The following PPM1D variants were observed in gnomAD, a reference collection of about 807,000 sequenced individuals.
The protein encoded by PPM1D is protein phosphatase, Mg2+/Mn2+ dependent 1D, also known as protein phosphatase 1D.
In PPM1D, 52 loss-of-function variants were observed where a neutral mutation model predicts 58.3. The observed-to-expected ratio is 0.89, with a 90% confidence interval of 0.71 to 1.12. PPM1D has a LOEUF of 1.12. Among genes scored for constraint, PPM1D ranks in the 50% most tolerant of loss-of-function variants. The pLI is 0.00. For synonymous variants in PPM1D, 278 were observed against 285.1 expected, an observed-to-expected ratio of 0.98 and a Z score of 0.25; for missense variants, 564 against 777.2, an observed-to-expected ratio of 0.73 and a Z score of 3.26.
chr17:60,605,266 G>A (rs1004406002), intron 1 of PPM1D, among the ~76,000 whole-genome samples: 2 of 152,162 alleles, frequency 1.3e-5, no homozygotes, highest in African/African-American at 4.8e-5. Context: ...CAGTACAAAT[G>A]TCAGCACAGT....
intron 4 of PPM1D, among the ~76,000 whole-genome samples, chr17:60,650,778 T>C (rs1004222568): frequency 1.3e-5 from 2 of 151,962 alleles, no homozygotes; most frequent in African/African-American, 2.4e-5. Context: ...TAGATAGATA[T>C]CTTCAGTAGG....
chr17:60,609,164 G>A (rs1204775187), intron 1 of PPM1D, among the ~76,000 whole-genome samples: 4 of 151,918 alleles, frequency 2.6e-5, no homozygotes, highest in Non-Finnish European at 4.4e-5. Flanking sequence ...CGTGATCTCG[G>A]CTCACCGCAA....
chr17:60,606,387 T>A (rs2030330198), intron 1 of PPM1D, among the ~76,000 whole-genome samples: 1 of 152,230 alleles, frequency 6.6e-6, no homozygotes, highest in Non-Finnish European at 1.5e-5. Context: ...CATCCCAGTT[T>A]TTCAATTCTT....
intron 1 of PPM1D, among the ~76,000 whole-genome samples, chr17:60,620,266 G>T (rs968636588): frequency 1.4e-4 from 21 of 151,972 alleles, no homozygotes; most frequent in Non-Finnish European, 1.5e-5. Flanking sequence ...CAGAGTGCTG[G>T]GAATACAGGC....
chr17:60,607,042 G>A (rs995170876), intron 1 of PPM1D, among the ~76,000 whole-genome samples: 1 of 151,266 alleles, frequency 6.6e-6, no homozygotes, highest in Non-Finnish European at 1.5e-5. Context: ...TGTTGCCCAG[G>A]GTGGTTCCTT....
At chr17:60,616,702 G>T (rs569900177) in intron 1 of PPM1D, among the ~76,000 whole-genome samples, 1 of 152,256 alleles carries the variant, frequency 6.6e-6, no homozygotes, top group South Asian at 2.1e-4. Context: ...TAGATCTAAG[G>T]CAAAATGTAG....
intron 1 of PPM1D, among the ~76,000 whole-genome samples, chr17:60,622,667 A>G (rs1015579437): frequency 1.3e-5 from 2 of 152,254 alleles, no homozygotes; most frequent in Admixed American, 6.5e-5. Context: ...GGGAATAATC[A>G]TATCTGTCTC....
intron 1 of PPM1D, among the ~76,000 whole-genome samples, chr17:60,620,864 A>T (rs1377331559): frequency 6.6e-6 from 1 of 152,022 alleles, no homozygotes; most frequent in Admixed American, 6.6e-5. Context: ...ACCAACGTCG[A>T]GATTTTTCCT....
chr17:60,660,336 CAAAAAG>C (rs1282555711), intron 5 of PPM1D, among the ~76,000 whole-genome samples: 1 of 151,348 alleles, frequency 6.6e-6, no homozygotes, highest in Non-Finnish European at 1.5e-5. Flanking sequence ...AACTCTGTCT[CAAAAAG>C]AAACAAAAAC....
At chr17:60,613,828 G>A (rs910864479) in intron 1 of PPM1D, among the ~76,000 whole-genome samples, 1 of 152,198 alleles carries the variant, frequency 6.6e-6, no homozygotes, top group Non-Finnish European at 1.5e-5. Flanking sequence ...TGGATTTCTC[G>A]CCGGGCCTTA....
intron 5 of PPM1D, among the ~76,000 whole-genome samples, chr17:60,661,460 ATTAC>A (rs1484081061): frequency 2.0e-5 from 3 of 152,090 alleles, no homozygotes; most frequent in African/African-American, 4.8e-5. Context: ...ATGAAATGTT[ATTAC>A]TTTGGAAGAG....
At chr17:60,626,706 TAAAAAA>T (rs1567969112) in intron 2 of PPM1D, among the ~76,000 whole-genome samples, 1 of 151,500 alleles carries the variant, frequency 6.6e-6, no homozygotes, top group Admixed American at 6.6e-5. Flanking sequence ...GATGTTGTTT[TAAAAAA>T]AAATTTTAAG....
intron 2 of PPM1D, among the ~76,000 whole-genome samples, chr17:60,631,646 T>C (rs572123108): frequency 4.0e-4 from 61 of 152,092 alleles, no homozygotes; most frequent in African/African-American, 1.3e-3. Flanking sequence ...AGCAACTTTC[T>C]GGAATTTCTC....
intron 3 of PPM1D, among the ~76,000 whole-genome samples, chr17:60,642,501 C>T (rs1274436589): frequency 6.6e-6 from 1 of 151,986 alleles, no homozygotes; most frequent in East Asian, 2.0e-4. Context: ...GCTCTGTCAC[C>T]AGGCTGGAGT....
rs1453254012 is a variant in PPM1D, at chr17:60,600,242, A to C, written c.-173A>C. The C allele has an allele frequency of 3.1e-6, 4 of 1,306,150 alleles. No homozygotes were observed. The highest frequency in any genetic ancestry group is 3.1e-5 in the African/African-American group (2 of 64,722). The allele number at this position is 1,306,150 out of a possible 1,614,324, so 80.9% of individuals were successfully genotyped here. A position where few individuals can be genotyped will look rare whatever the true frequency, so the allele number is the denominator to read the frequency against. On this transcript the variant is annotated 5_prime_UTR_variant, in exon 1 of 6. Transcript: ENST00000305921. ...TCTGCTCGCTCCGGCGCTCCGGCCC[A>C]GCTCTCGCGGACAAGTCCAGACATC... is the stretch of plus-strand genomic sequence containing the variant.
At chr17:60,625,749 A>G (rs1364343572) in intron 2 of PPM1D, among the ~76,000 whole-genome samples, 1 of 152,256 alleles carries the variant, frequency 6.6e-6, no homozygotes, top group Non-Finnish European at 1.5e-5. Context: ...AGGATATAAA[A>G]TTATATTTCT....
chr17:60,636,986 T>A (rs1279556478), intron 3 of PPM1D, among the ~76,000 whole-genome samples: 1 of 150,938 alleles, frequency 6.6e-6, no homozygotes, highest in African/African-American at 2.4e-5. Flanking sequence ...TTTTTTTTTT[T>A]AGACAGAATT....
chr17:60,632,209 A>C (rs2030936673), intron 2 of PPM1D, among the ~76,000 whole-genome samples: 1 of 151,652 alleles, frequency 6.6e-6, no homozygotes. Flanking sequence ...CAAAAAAAAA[A>C]ACCTAATCAT....
intron 2 of PPM1D, among the ~76,000 whole-genome samples, chr17:60,626,365 G>A (rs1027866464): frequency 6.6e-6 from 1 of 151,102 alleles, no homozygotes; most frequent in Non-Finnish European, 1.5e-5. Flanking sequence ...TAAAAAAGAG[G>A]TGTCTCAATG....
Sources: gnomAD v4.1 joint callset for allele counts (sites outside exome capture counted in the v4.1 genomes callset) on GRCh38, gnomAD v4.1.1 for gene constraint, MANE v1.5 for transcripts, NCBI Gene and HGNC (gene_info 2026-07-23, HGNC 2026-07-21) for gene names.